AP1AR: variants seen among roughly 807,000 people sequenced by gnomAD.
AP1AR encodes AP-1 complex-associated regulatory protein.
In AP1AR, 29 loss-of-function variants were observed where a neutral mutation model predicts 46.3. The ratio of observed to expected loss-of-function variants is 0.63; its 90% confidence interval spans 0.47 to 0.85. AP1AR has a LOEUF of 0.85. Ranked by LOEUF, AP1AR falls within the 40% of genes least tolerant of loss-of-function variation. AP1AR has a pLI of 0.00. For missense variants in AP1AR, 357 were observed against 356.3 expected, an observed-to-expected ratio of 1.00 and a Z score of -0.02; for synonymous variants, 122 against 122.9, an observed-to-expected ratio of 0.99 and a Z score of 0.05.
At chr4:112,258,050 T>A (rs1383167695) in intron 4 of AP1AR, among the ~76,000 whole-genome samples, 1 of 152,158 alleles carries the variant, frequency 6.6e-6, no homozygotes, top group Non-Finnish European at 1.5e-5. Context: ...TTAGTTTTCT[T>A]AAAACCATTT....
intron 1 of AP1AR, among the ~76,000 whole-genome samples, chr4:112,250,259 G>A (rs1725898839): frequency 1.3e-5 from 2 of 152,164 alleles, no homozygotes; most frequent in Non-Finnish European, 2.9e-5. Flanking sequence ...AGGAAACATT[G>A]TAAAAGGTGT....
At chr4:112,247,349 G>C (rs1033370705) in intron 1 of AP1AR, among the ~76,000 whole-genome samples, 1 of 152,222 alleles carries the variant, frequency 6.6e-6, no homozygotes, top group African/African-American at 2.4e-5. Context: ...TAGCTCCAGG[G>C]TTAAATATAG....
rs551680083 is a variant in AP1AR at position 112,268,930 on chromosome 4, G to T, written c.*521G>T. ...TCTAATAGTAAGTACAGTTGATGTG[G>T]GTAGATGACTCTAAGAAATGCTGAA... On this transcript the variant is annotated 3_prime_UTR_variant, in exon 10 of 10. Coordinates refer to ENST00000274000, the MANE Select transcript of AP1AR (RefSeq NM_018569.6). 2 of 151,800 alleles carry T rather than the reference G, an allele frequency of 1.3e-5. No homozygotes were observed. The highest frequency in any genetic ancestry group is 3.9e-4 in the East Asian group (2 of 5,180). The allele number at this position is 151,800 out of a possible 1,614,324, so 9.4% of individuals were successfully genotyped here.
chr4:112,244,694 C>T (rs1429392445), intron 1 of AP1AR, among the ~76,000 whole-genome samples: 1 of 152,010 alleles, frequency 6.6e-6, no homozygotes, highest in Non-Finnish European at 1.5e-5. Context: ...TTGATTTTTG[C>T]CCAAAGATGG....
At chr4:112,244,100 A>G (rs1340612240) in intron 1 of AP1AR, among the ~76,000 whole-genome samples, 1 of 152,210 alleles carries the variant, frequency 6.6e-6, no homozygotes, top group Non-Finnish European at 1.5e-5. Flanking sequence ...GAGACTAGTA[A>G]TCAATAATAG....
At chr4:112,240,955 A>G (rs938080534) in intron 1 of AP1AR, among the ~76,000 whole-genome samples, 2 of 152,218 alleles carry the variant, frequency 1.3e-5, no homozygotes, top group African/African-American at 4.8e-5. Context: ...TTCCAAAAGA[A>G]GAGGGTTGTC....
intron 1 of AP1AR, among the ~76,000 whole-genome samples, chr4:112,233,354 T>G (rs1725101999): frequency 6.6e-6 from 1 of 152,252 alleles, no homozygotes; most frequent in Non-Finnish European, 1.5e-5. Context: ...AGTTTGTGCC[T>G]AGTGTAATAT....
rs1726781874 is a variant in AP1AR, at chr4:112,268,126, ACT to A, written c.644-15_644-14del. 6.6e-7 allele frequency: 1 copy of A among 1,509,042 alleles called. No individual in the cohort carries two copies. Among genetic ancestry groups the A allele is most frequent in the Middle Eastern group, 1.8e-4 (1 of 5,598 alleles). 93.5% of individuals were successfully genotyped at this position (1,509,042 alleles called of 1,614,324 possible). A position where few individuals can be genotyped will look rare whatever the true frequency, so the allele number is the denominator to read the frequency against. On this transcript the variant is annotated splice_polypyrimidine_tract_variant and intron_variant, in intron 9 of 9. Transcript: ENST00000274000. ...ATTATCTGTTCTGAGATTTTTGAAA[ACT>A]CTGTTCAAATCATAGGAATGAATAG...
In AP1AR at chr4:112,253,256, G is replaced by A. The variant is rs764900861; in HGVS notation, c.132G>A (p.Glu44=). 3 of 1,608,458 alleles carry A rather than the reference G, an allele frequency of 1.9e-6. No individual in the cohort carries two copies. Among genetic ancestry groups the A allele is most frequent in the South Asian group, 2.2e-5 (2 of 90,340 alleles). ...TCSRGEHLTI[E]FENLVESDEG... The stretch of plus-strand genomic sequence containing the variant: ...CAAGAGGTGAGCACTTAACAATAGA[G>A]GTAAGTAGTCCTTAATTTGATTGAA... The change falls in exon 2 of 10, where the codon GAG becomes GAA. Residue 44 remains glutamate (E), a splice_region_variant and synonymous_variant. Coordinates refer to ENST00000274000, the MANE Select transcript of AP1AR (RefSeq NM_018569.6).
At chr4:112,240,643 G>A (rs945375988) in intron 1 of AP1AR, among the ~76,000 whole-genome samples, 6 of 151,946 alleles carry the variant, frequency 3.9e-5, no homozygotes, top group Admixed American at 6.6e-5. Context: ...GGTACCTGCC[G>A]CTCCCTGAAA....
intron 1 of AP1AR, among the ~76,000 whole-genome samples, chr4:112,242,730 G>T (rs1453448443): frequency 6.6e-6 from 1 of 152,088 alleles, no homozygotes; most frequent in African/African-American, 2.4e-5. Context: ...CTTCCTATTA[G>T]GCCCCACCCC....
chr4:112,233,348 T>G (rs1725101766), intron 1 of AP1AR, among the ~76,000 whole-genome samples: 1 of 152,266 alleles, frequency 6.6e-6, no homozygotes, highest in Non-Finnish European at 1.5e-5. Flanking sequence ...ATTTGCAGTT[T>G]GTGCCTAGTG....
intron 1 of AP1AR, among the ~76,000 whole-genome samples, chr4:112,239,627 C>A (rs1176178093): frequency 1.3e-5 from 2 of 152,180 alleles, no homozygotes; most frequent in Non-Finnish European, 2.9e-5. Flanking sequence ...ACTTTTCAGT[C>A]CACCCACTTC....
chr4:112,253,376 T>G, intron 2 of AP1AR, 120 bp downstream of exon 2: 1 of 715,172 alleles, frequency 1.4e-6, no homozygotes, highest in African/African-American at 1.8e-5. Flanking sequence ...TATTTCAATA[T>G]TATTCATGTT....
intron 1 of AP1AR, among the ~76,000 whole-genome samples, chr4:112,250,239 A>G (rs1295672842): frequency 6.6e-6 from 1 of 152,216 alleles, no homozygotes; most frequent in Non-Finnish European, 1.5e-5. Context: ...AATGCAGGAT[A>G]GTTTATTATA....
Position 112,260,819 on chromosome 4 carries a change from T to C in AP1AR, c.239T>C (p.Ile80Thr), listed in dbSNP as rs1183398971. ...VDLRERHYDS[I>T]AEKQKDLDKK... Reference sequence around the variant, plus strand: ...CTAAGAGAAAGGCATTATGATTCCATTGCCGAAAAACAAAAAGATCTTGAT... The same window carrying C: ...CTAAGAGAAAGGCATTATGATTCCACTGCCGAAAAACAAAAAGATCTTGAT... The change falls in exon 5 of 10, where the codon ATT (isoleucine) becomes ACT (threonine). Residue 80 changes from isoleucine (I) to threonine (T), a missense_variant. Ile to Thr is a moderately conservative substitution (Grantham distance 89, BLOSUM62 -1). Coordinates refer to ENST00000274000, the MANE Select transcript of AP1AR (RefSeq NM_018569.6). The C allele has an allele frequency of 1.2e-6, 2 of 1,607,600 alleles. No individual in the cohort carries two copies. Among genetic ancestry groups the C allele is most frequent in the Non-Finnish European group, 8.5e-7 (1 of 1,177,228 alleles).
intron 3 of AP1AR, among the ~76,000 whole-genome samples, chr4:112,257,246 C>T (rs1310678319): frequency 1.3e-5 from 2 of 152,148 alleles, no homozygotes; most frequent in Admixed American, 6.6e-5. Flanking sequence ...GAGTGTCTGT[C>T]GCCCTGTTCT....
chr4:112,259,451 T>G (rs1430238341), intron 4 of AP1AR, among the ~76,000 whole-genome samples: 1 of 152,190 alleles, frequency 6.6e-6, no homozygotes, highest in Non-Finnish European at 1.5e-5. Context: ...CTTAGAGGGT[T>G]GTTGTGAGGA....
rs1201291825 is a variant in AP1AR, at chr4:112,232,132, G to T, written c.41G>T (p.Arg14Leu). 7.8e-7 allele frequency: 1 copy of T among 1,283,416 alleles called. No individual in the cohort carries two copies. The highest frequency in any genetic ancestry group is 3.1e-5 in the East Asian group (1 of 32,166). 79.5% of individuals were successfully genotyped at this position (1,283,416 alleles called of 1,614,324 possible). The change falls in exon 1 of 10, where the codon CGC (arginine) becomes CTC (leucine). Residue 14 changes from arginine to leucine, a missense_variant. Transcript: ENST00000274000. The part of the protein sequence containing the change: ...CCWTQCFGLL[R>L]KEAGRLQRVG... Reference sequence around the variant, plus strand: ...TGGACGCAGTGCTTCGGACTGCTTCGCAAGGAAGCGGGGCGGCTGCAGCGA... The same window carrying T: ...TGGACGCAGTGCTTCGGACTGCTTCTCAAGGAAGCGGGGCGGCTGCAGCGA...
Sources: allele counts gnomAD v4.1 joint callset (sites outside exome capture counted in the v4.1 genomes callset), GRCh38; gene constraint gnomAD v4.1.1; transcripts MANE v1.5; gene names NCBI Gene and HGNC (gene_info 2026-07-23, HGNC 2026-07-21).